Variants in NBEA observed in about 807,000 individuals in gnomAD.
NBEA encodes neurobeachin.
A neutral mutation model predicts 343.4 loss-of-function variants in NBEA; 44 were observed. The observed-to-expected ratio is 0.13, with a 90% confidence interval of 0.10 to 0.16. The LOEUF (loss-of-function observed/expected upper bound fraction) is 0.16, where lower values mean the gene tolerates loss of function less well. Ranked by LOEUF, NBEA falls within the 10% of genes least tolerant of loss-of-function variation. The pLI is 1.00. For missense variants in NBEA, 2,555 were observed against 3,631.3 expected, an observed-to-expected ratio of 0.70 and a Z score of 7.62; for synonymous variants, 1,175 against 1,238.7, an observed-to-expected ratio of 0.95 and a Z score of 1.08.
chr13:35,111,533 T>C (rs769368351), intron 13 of NBEA, among the ~76,000 whole-genome samples: 16 of 152,088 alleles, frequency 1.1e-4, no homozygotes, highest in Non-Finnish European at 2.1e-4. Flanking sequence ...TTTCTTCCAG[T>C]GTTTCTCATT....
chr13:35,406,963 C>CTTT (rs551559932), intron 38 of NBEA, among the ~76,000 whole-genome samples: 1 of 136,752 alleles, frequency 7.3e-6, no homozygotes, highest in East Asian at 2.1e-4. Flanking sequence ...TTTCTTTGCT[C>CTTT]TTTTTTTTTT....
At chr13:35,361,172 T>C (rs1594350308) in intron 38 of NBEA, among the ~76,000 whole-genome samples, 1 of 152,040 alleles carries the variant, frequency 6.6e-6, no homozygotes, top group Admixed American at 6.6e-5. Flanking sequence ...TTTTTTATCA[T>C]AGTTAAATGG....
At chr13:35,083,714 A>G (rs2064558745) in intron 10 of NBEA, among the ~76,000 whole-genome samples, 1 of 152,144 alleles carries the variant, frequency 6.6e-6, no homozygotes, top group African/African-American at 2.4e-5. Flanking sequence ...TGGGCAAAAT[A>G]ACCAGCTAAC....
At chr13:35,015,903 T>G (rs2061641687) in intron 1 of NBEA, among the ~76,000 whole-genome samples, 1 of 152,150 alleles carries the variant, frequency 6.6e-6, no homozygotes, top group South Asian at 2.1e-4. Flanking sequence ...CAGTTATAAT[T>G]ATGGCTGAAT....
intron 34 of NBEA, among the ~76,000 whole-genome samples, chr13:35,269,757 G>C (rs933078719): frequency 6.6e-6 from 1 of 152,106 alleles, no homozygotes; most frequent in African/African-American, 2.4e-5. Flanking sequence ...ATGTTTGTTT[G>C]GATATAGAGG....
chr13:35,552,591 TA>T (rs770718170), intron 43 of NBEA, among the ~76,000 whole-genome samples: 1 of 152,214 alleles, frequency 6.6e-6, no homozygotes, highest in Non-Finnish European at 1.5e-5. Flanking sequence ...ACTATTTGTT[TA>T]ATCATCAATT....
chr13:35,563,610 ATATT>A (rs2079987753), intron 44 of NBEA, among the ~76,000 whole-genome samples: 1 of 151,818 alleles, frequency 6.6e-6, no homozygotes, highest in Non-Finnish European at 1.5e-5. Context: ...CATTAATGTC[ATATT>A]TATTTATAAA....
chr13:35,399,981 CA>C (rs1432019311), intron 38 of NBEA, among the ~76,000 whole-genome samples: 1 of 150,864 alleles, frequency 6.6e-6, no homozygotes, highest in Non-Finnish European at 1.5e-5. Flanking sequence ...TTAAATTTAC[CA>C]ACTTATATGG....
At chr13:35,288,741 C>T (rs560694358) in intron 34 of NBEA, among the ~76,000 whole-genome samples, 30 of 151,826 alleles carry the variant, frequency 2.0e-4, no homozygotes, top group Non-Finnish European at 2.8e-4. Context: ...AAAATGTATG[C>T]GAATAATTCT....
chr13:35,427,534 T>C (rs2044773671), intron 38 of NBEA, among the ~76,000 whole-genome samples: 1 of 152,170 alleles, frequency 6.6e-6, no homozygotes, highest in Non-Finnish European at 1.5e-5. Flanking sequence ...GAGGTGTCAG[T>C]CCGCCCCTAC....
At chr13:34,951,203 ATG>A (rs891755784) in intron 1 of NBEA, among the ~76,000 whole-genome samples, 2 of 59,610 alleles carry the variant, frequency 3.4e-5, no homozygotes, top group East Asian at 7.8e-4. Context: ...ATGATATAAC[ATG>A]TGGCAACAAC....
At chr13:35,278,104 T>TATAAAATATATATATATAC (rs1169599844) in intron 34 of NBEA, among the ~76,000 whole-genome samples, 1 of 147,604 alleles carries the variant, frequency 6.8e-6, no homozygotes, top group Admixed American at 6.8e-5. Context: ...TATATATATA[T>TATAAAATATATATATATAC]ATAAAATATA....
At chr13:35,602,296 T>C (rs2153048837) in intron 47 of NBEA, among the ~76,000 whole-genome samples, 1 of 152,314 alleles carries the variant, frequency 6.6e-6, no homozygotes, top group East Asian at 1.9e-4. Context: ...TAACTTTAAA[T>C]AAAACTTGCT....
intron 30 of NBEA, among the ~76,000 whole-genome samples, chr13:35,194,838 T>C (rs2072466438): frequency 6.6e-6 from 1 of 152,140 alleles, no homozygotes; most frequent in Non-Finnish European, 1.5e-5. Context: ...GTTGTTAATA[T>C]TATATGTGTA....
At chr13:35,055,121 T>C (rs926213512) in intron 6 of NBEA, among the ~76,000 whole-genome samples, 2 of 152,160 alleles carry the variant, frequency 1.3e-5, no homozygotes, top group African/African-American at 4.8e-5. Flanking sequence ...GTTTGTATTT[T>C]ATATTTTGGT....
rs1005941326 is a variant in NBEA at position 35,559,575 on chromosome 13, GA to G, written c.6922+4481del. ...CATTTTTATTTGATATCAAGATTCA[GA>G]AAAAAAATAGTATTGTTATTATGTC... On this transcript the variant is annotated intron_variant, in intron 44 of 58. Coordinates refer to ENST00000379939, the MANE Select transcript of NBEA (RefSeq NM_001385012.1). 9.7e-4 allele frequency among the ~76,000 whole-genome samples: 147 copies of G among 151,762 alleles called. 1 individual carries two copies. The highest frequency in any genetic ancestry group is 1.6e-3 in the Non-Finnish European group (106 of 67,910).
At position 35,628,445 on chromosome 13, in the gene NBEA, T is replaced by G. The variant is rs17052548; in HGVS notation, c.7617+197T>G. On this transcript the variant is annotated intron_variant, in intron 49 of 58. Coordinates refer to ENST00000379939, the MANE Select transcript of NBEA (RefSeq NM_001385012.1). ...CCAGTATGTGGTTCCTTTTTAAATT[T>G]CAGACACTTTAAATATACTTCTATA... 9.9e-3 allele frequency among the ~76,000 whole-genome samples: 1,508 copies of G among 152,342 alleles called. 21 individuals carry two copies. Among genetic ancestry groups the G allele is most frequent in the African/African-American group, 0.034 (1,428 of 41,574 alleles).
At chr13:35,038,752 TC>T (rs933906116) in intron 1 of NBEA, among the ~76,000 whole-genome samples, 4 of 151,962 alleles carry the variant, frequency 2.6e-5, no homozygotes, top group Admixed American at 6.6e-5. Context: ...GACAAACTCC[TC>T]CCCACTCTTC....
intron 6 of NBEA, among the ~76,000 whole-genome samples, chr13:35,055,199 A>G (rs1200949012): frequency 6.6e-6 from 1 of 152,126 alleles, no homozygotes; most frequent in African/African-American, 2.4e-5. Context: ...ATGTTTACAA[A>G]TCATTTGTAT....
Sources: allele counts gnomAD v4.1 joint callset (sites outside exome capture counted in the v4.1 genomes callset), GRCh38; gene constraint gnomAD v4.1.1; transcripts MANE v1.5; gene names NCBI Gene and HGNC (gene_info 2026-07-23, HGNC 2026-07-21).